Variants in CCDC40 observed in about 807,000 individuals in gnomAD.
CCDC40 encodes coiled-coil domain-containing protein 40.
Under a neutral mutation model 124.5 loss-of-function variants are expected in CCDC40, and 104 were observed. The observed-to-expected ratio is 0.84, with a 90% confidence interval of 0.71 to 0.98. The LOEUF (loss-of-function observed/expected upper bound fraction) is 0.98, where lower values mean the gene tolerates loss of function less well. Ranked by LOEUF, CCDC40 falls within the 50% of genes least tolerant of loss-of-function variation. The probability of loss-of-function intolerance (pLI) is 0.00; values close to 1 mark genes in which losing one functional copy is unlikely to be tolerated. For missense variants in CCDC40, 1,463 were observed against 1,503.9 expected (o/e 0.97, Z 0.45); for synonymous variants, 580 against 602.9 (o/e 0.96, Z 0.56).
At chr17:80,045,335 A>C (rs990883485) in intron 3 of CCDC40, among the ~76,000 whole-genome samples, 7 of 152,204 alleles carry the variant, frequency 4.6e-5, no homozygotes, top group Admixed American at 4.6e-4. Flanking sequence ...ACCCTGACTC[A>C]TTGTCTGGGT....
At chr17:80,083,605 G>A (rs2038510682) in intron 12 of CCDC40, among the ~76,000 whole-genome samples, 1 of 152,218 alleles carries the variant, frequency 6.6e-6, no homozygotes, top group Non-Finnish European at 1.5e-5. Flanking sequence ...TCCTGGTGGT[G>A]ACAGCATCTC....
rs2038598907 is a variant in CCDC40 at position 80,086,867 on chromosome 17, C to T, written c.2449+651C>T. ...GAGGTCCTGCTGCCTCTCGCCCTGC[C>T]CTTCTTGGGTTGCCCAAACCCGTCT... is the stretch of plus-strand genomic sequence containing the variant. On this transcript the variant is annotated intron_variant, in intron 14 of 19. Transcript: ENST00000397545. The surrounding 1 kb of genome is among the most constrained non-coding windows in gnomAD (Gnocchi z 5.5). 6.3e-6 allele frequency: 1 copy of T among 159,760 alleles called. No homozygotes were observed. Among genetic ancestry groups the T allele is most frequent in the African/African-American group, 2.4e-5 (1 of 41,490 alleles). 9.9% of individuals were successfully genotyped at this position (159,760 alleles called of 1,614,324 possible).
intron 10 of CCDC40, among the ~76,000 whole-genome samples, chr17:80,077,668 A>C (rs1460956214): frequency 1.3e-5 from 2 of 152,224 alleles, no homozygotes; most frequent in African/African-American, 2.4e-5. Context: ...TTAGCCATCA[A>C]ATATAGCCAT....
At chr17:80,062,251 C>T (rs1488879175) in intron 9 of CCDC40, among the ~76,000 whole-genome samples, 1 of 152,098 alleles carries the variant, frequency 6.6e-6, no homozygotes, top group Non-Finnish European at 1.5e-5. Context: ...ATACACTACA[C>T]CAAAAAGAGC....
intron 10 of CCDC40, chr17:80,067,821 A>G: frequency 6.9e-7 from 1 of 1,439,276 alleles, no homozygotes; most frequent in Non-Finnish European, 9.1e-7. Flanking sequence ...ACAGCTCAGC[A>G]TGTTGTCACA....
In CCDC40 at chr17:80,052,800, C is replaced by T. The variant is rs1366300385; in HGVS notation, c.1159+2517C>T. On this transcript the variant is annotated intron_variant, in intron 7 of 19. Coordinates refer to ENST00000397545, the MANE Select transcript of CCDC40 (RefSeq NM_017950.4). ...ACGTGAAATTTAAAAATATAATCAT[C>T]ATCCCAGAGTGTGCAGAGGCGCCAA... Among the ~76,000 whole-genome samples the T allele has an allele frequency of 2.6e-5, 4 of 151,794 alleles. No homozygotes were observed. In the East Asian group the frequency reaches 7.7e-4, roughly 29 times the overall value.
At chr17:80,039,530 G>A (rs2037218516) in intron 2 of CCDC40, among the ~76,000 whole-genome samples, 1 of 151,418 alleles carries the variant, frequency 6.6e-6, no homozygotes, top group African/African-American at 2.4e-5. Flanking sequence ...TCCTGCCCCA[G>A]CCTTCTAAGT....
At chr17:80,057,203 T>A (rs943954218) in intron 7 of CCDC40, among the ~76,000 whole-genome samples, 1 of 151,864 alleles carries the variant, frequency 6.6e-6, no homozygotes, top group African/African-American at 2.4e-5. Flanking sequence ...TCCTCCCACC[T>A]CAGCCTCCTG....
At chr17:80,042,421 G>A (rs1397912315) in intron 3 of CCDC40, among the ~76,000 whole-genome samples, 3 of 152,104 alleles carry the variant, frequency 2.0e-5, no homozygotes, top group Admixed American at 2.0e-4. Context: ...CTCCTGCCCA[G>A]TATTTCACAT....
intron 18 of CCDC40, among the ~76,000 whole-genome samples, chr17:80,097,034 C>A (rs1318771550): frequency 6.6e-6 from 1 of 152,240 alleles, no homozygotes; most frequent in Non-Finnish European, 1.5e-5. Context: ...CATCTCTCTG[C>A]CACACCTGCC....
chr17:80,057,885 AAAAG>A (rs1470206650), intron 7 of CCDC40, among the ~76,000 whole-genome samples: 32 of 152,038 alleles, frequency 2.1e-4, no homozygotes, highest in African/African-American at 7.7e-4. Context: ...CAAAAAAAAA[AAAAG>A]AAATCCATCT....
At chr17:80,050,025 GC>G in intron 6 of CCDC40, 36 bp downstream of exon 6, 1 of 1,613,216 alleles carries the variant, frequency 6.2e-7, no homozygotes, top group Non-Finnish European at 8.5e-7. Flanking sequence ...CTGGTCGGAT[GC>G]CTGCGTCCTG....
At position 80,068,950 on chromosome 17, in the gene CCDC40, G is replaced by A. The variant is rs184966563; in HGVS notation, c.1562+3344G>A. On this transcript the variant is annotated intron_variant, in intron 10 of 19. Coordinates refer to ENST00000397545, the MANE Select transcript of CCDC40 (RefSeq NM_017950.4). ...CTAGAGGGCGGAATGCCTGGGCCCC[G>A]GCCCTGTCTGCTTCCTGCTTCTTCC... Among the ~76,000 whole-genome samples, 109 of 152,298 alleles carry A rather than the reference G, an allele frequency of 7.2e-4. 1 individual carries two copies. The highest frequency in any genetic ancestry group is 2.5e-3 in the African/African-American group (105 of 41,564).
intron 9 of CCDC40, among the ~76,000 whole-genome samples, chr17:80,064,855 C>G (rs2037995401): frequency 6.6e-6 from 1 of 152,002 alleles, no homozygotes; most frequent in South Asian, 2.1e-4. Context: ...CGAGAGCATC[C>G]AGCCCTGGCC....
intron 17 of CCDC40, among the ~76,000 whole-genome samples, chr17:80,092,895 C>T (rs1373274419): frequency 6.6e-6 from 1 of 152,180 alleles, no homozygotes; most frequent in African/African-American, 2.4e-5. Flanking sequence ...TTAGGTTTTA[C>T]ATTTAGGTCC....
At chr17:80,083,424 C>T (rs1598536541) in intron 12 of CCDC40, among the ~76,000 whole-genome samples, 2 of 152,088 alleles carry the variant, frequency 1.3e-5, no homozygotes, top group African/African-American at 2.4e-5. Context: ...AGCCCACAGG[C>T]GTGGCGGGAG....
Position 80,087,990 on chromosome 17 carries a change from C to A in CCDC40, c.2620-21C>A, listed in dbSNP as rs1245411699. 4.2e-6 allele frequency: 6 copies of A among 1,432,586 alleles called. No individual in the cohort carries two copies. The highest frequency in any genetic ancestry group is 1.1e-5 in the South Asian group (1 of 87,584). 88.7% of individuals were successfully genotyped at this position (1,432,586 alleles called of 1,614,324 possible). A position where few individuals can be genotyped will look rare whatever the true frequency, so the allele number is the denominator to read the frequency against. On this transcript the variant is annotated intron_variant, in intron 15 of 19. Transcript: ENST00000397545. The surrounding 1 kb of genome is among the most constrained non-coding windows in gnomAD (Gnocchi z 4.5). ...ATCCCATGGCCCTCCCCACAGCTGT[C>A]CCGCCCCCTCCCCCATGCAGGCCTC...
At chr17:80,098,638 G>C (rs533943081) in intron 19 of CCDC40, among the ~76,000 whole-genome samples, 5 of 152,208 alleles carry the variant, frequency 3.3e-5, no homozygotes, top group Non-Finnish European at 5.9e-5. Flanking sequence ...CACACGGCAG[G>C]TGTCAAGAAG....
intron 10 of CCDC40, among the ~76,000 whole-genome samples, chr17:80,076,022 G>A (rs763037424): frequency 2.6e-5 from 4 of 152,146 alleles, no homozygotes; most frequent in African/African-American, 4.8e-5. Flanking sequence ...ACGGATGAGC[G>A]TTTTCTTGAG....
Sources: allele counts gnomAD v4.1 joint callset (sites outside exome capture counted in the v4.1 genomes callset), GRCh38; gene constraint gnomAD v4.1.1; non-coding constraint Gnocchi (gnomAD v3.1); transcripts MANE v1.5; gene names NCBI Gene and HGNC (gene_info 2026-07-23, HGNC 2026-07-21).